Variants in CNTNAP2 observed in about 807,000 individuals in gnomAD.
CNTNAP2 encodes the protein contactin-associated protein-like 2.
CNTNAP2 carries 98 observed loss-of-function variants against 155.2 expected under a neutral mutation model. That is an observed-to-expected ratio of 0.63 (90% CI 0.54 to 0.75). The LOEUF (loss-of-function observed/expected upper bound fraction) is 0.75. Among genes scored for constraint, CNTNAP2 ranks in the 30% least tolerant of loss-of-function variants. The pLI is 0.00. For missense variants in CNTNAP2, 1,727 were observed against 1,688.1 expected (o/e 1.02, Z -0.40); for synonymous variants, 651 against 631.2 (o/e 1.03, Z -0.47).
At chr7:147,626,569 C>T (rs1463976339) in intron 12 of CNTNAP2, among the ~76,000 whole-genome samples, 1 of 152,116 alleles carries the variant, frequency 6.6e-6, no homozygotes, top group Non-Finnish European at 1.5e-5. Context: ...AAAAGATAAA[C>T]TCTTGGGAGC....
At chr7:148,098,803 T>A (rs1020017338) in intron 15 of CNTNAP2, among the ~76,000 whole-genome samples, 8 of 152,106 alleles carry the variant, frequency 5.3e-5, no homozygotes, top group Non-Finnish European at 1.0e-4. Flanking sequence ...TGGCTGAGGG[T>A]GACCTTAGAT....
intron 10 of CNTNAP2, among the ~76,000 whole-genome samples, chr7:147,428,269 C>T (rs1797412741): frequency 6.6e-6 from 1 of 152,152 alleles, no homozygotes; most frequent in South Asian, 2.1e-4. Flanking sequence ...AGCCTTATAA[C>T]CTACTCAATA....
chr7:147,892,697 C>A (rs182566638), intron 13 of CNTNAP2, among the ~76,000 whole-genome samples: 1 of 152,180 alleles, frequency 6.6e-6, no homozygotes, highest in Non-Finnish European at 1.5e-5. Context: ...TGATTGAAAT[C>A]TATTAAGTTC....
At chr7:146,588,606 C>T (rs575172169) in intron 1 of CNTNAP2, among the ~76,000 whole-genome samples, 6 of 151,998 alleles carry the variant, frequency 3.9e-5, no homozygotes, top group Non-Finnish European at 8.8e-5. Flanking sequence ...TCCCCAAGCT[C>T]AGGTGATCTT....
intron 14 of CNTNAP2, among the ~76,000 whole-genome samples, chr7:147,912,923 G>C (rs1800092964): frequency 1.3e-5 from 2 of 152,200 alleles, no homozygotes; most frequent in Admixed American, 1.3e-4. Context: ...CATCGCTGTG[G>C]TCTGTTCTGG....
chr7:148,093,411 A>G (rs1803891779), intron 15 of CNTNAP2, among the ~76,000 whole-genome samples: 1 of 152,206 alleles, frequency 6.6e-6, no homozygotes, highest in African/African-American at 2.4e-5. Flanking sequence ...TGATATGACG[A>G]CTATTGTCAT....
At chr7:146,589,542 T>C (rs1798748613) in intron 1 of CNTNAP2, among the ~76,000 whole-genome samples, 2 of 150,960 alleles carry the variant, frequency 1.3e-5, no homozygotes, top group African/African-American at 4.9e-5. Context: ...AACTGGGAGT[T>C]GAACAGTGAG....
At chr7:148,225,000 A>T (rs186354750) in intron 19 of CNTNAP2, among the ~76,000 whole-genome samples, 68 of 152,322 alleles carry the variant, frequency 4.5e-4, no homozygotes, top group Middle Eastern at 6.8e-3. Context: ...CTACAATTTA[A>T]GATGACATTT....
intron 1 of CNTNAP2, among the ~76,000 whole-genome samples, chr7:146,322,196 C>A (rs1801015739): frequency 6.6e-6 from 1 of 152,106 alleles, no homozygotes; most frequent in African/African-American, 2.4e-5. Context: ...TAGTGACATG[C>A]ATGTTAGGGC....
intron 8 of CNTNAP2, among the ~76,000 whole-genome samples, chr7:147,200,795 T>C (rs1161338789): frequency 2.0e-5 from 3 of 152,224 alleles, no homozygotes; most frequent in East Asian, 3.8e-4. Flanking sequence ...TAGGGCATTC[T>C]ATAAAGCCTA....
chr7:148,010,446 C>CCTTTTTTCTTTTATGATGT (rs1554461273), intron 15 of CNTNAP2, among the ~76,000 whole-genome samples: 1 of 151,598 alleles, frequency 6.6e-6, no homozygotes, highest in Non-Finnish European at 1.5e-5. Context: ...GTGCTTCATG[C>CCTTTTTTCTTTTATGATGT]CTTTTTTCTT....
chr7:146,914,045 G>A (rs1796343355), intron 3 of CNTNAP2, among the ~76,000 whole-genome samples: 1 of 151,840 alleles, frequency 6.6e-6, no homozygotes, highest in African/African-American at 2.4e-5. Context: ...TAGAATAATG[G>A]TCTCCAGTTT....
intron 12 of CNTNAP2, among the ~76,000 whole-genome samples, chr7:147,604,007 C>A (rs1801008755): frequency 6.6e-6 from 1 of 152,122 alleles, no homozygotes; most frequent in Non-Finnish European, 1.5e-5. Context: ...GCTGGGAAAA[C>A]TGGCTAGCCA....
In CNTNAP2 at chr7:146,754,107, G is replaced by A. The variant is rs538582347; in HGVS notation, c.98-20164G>A. Among the ~76,000 whole-genome samples, 380 of 152,014 alleles carry A rather than the reference G, an allele frequency of 2.5e-3. 3 individuals are homozygous for A. The highest frequency in any genetic ancestry group is 7.9e-3 in the African/African-American group (328 of 41,536). On this transcript the variant is annotated intron_variant, in intron 1 of 23. Coordinates refer to ENST00000361727, the MANE Select transcript of CNTNAP2 (RefSeq NM_014141.6). Reference sequence around the variant, plus strand: ...AGACACAAGTTTTATTCCCCCTGAAGTTTAATGCCTCATATCTTAATATTC... The same window carrying A: ...AGACACAAGTTTTATTCCCCCTGAAATTTAATGCCTCATATCTTAATATTC...
At chr7:146,798,175 G>A (rs1563234981) in intron 2 of CNTNAP2, among the ~76,000 whole-genome samples, 1 of 151,986 alleles carries the variant, frequency 6.6e-6, no homozygotes, top group Non-Finnish European at 1.5e-5. Context: ...AGGAGGCAGA[G>A]GCACAAGGAT....
At chr7:146,985,308 A>AAT (rs1183369135) in intron 3 of CNTNAP2, among the ~76,000 whole-genome samples, 24 of 127,850 alleles carry the variant, frequency 1.9e-4, no homozygotes, top group Middle Eastern at 3.9e-3. Flanking sequence ...AAATGCTTGA[A>AAT]TTTTTTTTTT....
intron 1 of CNTNAP2, among the ~76,000 whole-genome samples, chr7:146,453,976 A>G (rs1315422567): frequency 6.6e-6 from 1 of 152,148 alleles, no homozygotes; most frequent in East Asian, 1.9e-4. Context: ...AGGAGTGAAA[A>G]ATTTCCAAAT....
At chr7:147,764,727 C>T (rs997578811) in intron 13 of CNTNAP2, among the ~76,000 whole-genome samples, 5 of 152,168 alleles carry the variant, frequency 3.3e-5, no homozygotes, top group Admixed American at 3.3e-4. Context: ...CTGCTGAGTT[C>T]TGCTGAAATA....
chr7:147,253,391 T>TG (rs1474710659), intron 8 of CNTNAP2, among the ~76,000 whole-genome samples: 1 of 151,828 alleles, frequency 6.6e-6, no homozygotes, highest in Admixed American at 6.6e-5. Context: ...CTGTTTTTTT[T>TG]TTTTTTTTTT....
Sources: gnomAD v4.1 joint callset for allele counts (sites outside exome capture counted in the v4.1 genomes callset) on GRCh38, gnomAD v4.1.1 for gene constraint, MANE v1.5 for transcripts, NCBI Gene and HGNC (gene_info 2026-07-23, HGNC 2026-07-21) for gene names.